The following CHODL variants were observed in gnomAD, a reference collection of about 807,000 sequenced individuals.
The protein encoded by CHODL is transmembrane protein MT75.
In CHODL, 29 loss-of-function variants were observed where a neutral mutation model predicts 34.5. The observed-to-expected ratio is 0.84, with a 90% CI of 0.63 to 1.15. The LOEUF is 1.15. Ranked by LOEUF, CHODL falls within the 50% of genes most tolerant of loss-of-function variation. The pLI, the probability that CHODL is intolerant of heterozygous loss-of-function variation, is 0.00. For synonymous variants in CHODL, 125 were observed against 116.1 expected (o/e 1.08, Z -0.49); for missense variants, 332 against 332.5 (o/e 1.00, Z 0.01).
At chr21:17,917,876 C>CGTGTGTGTGTGTGT (rs138828872) in intron 1 of CHODL, among the ~76,000 whole-genome samples, 1 of 150,706 alleles carries the variant, frequency 6.6e-6, no homozygotes, top group East Asian at 1.9e-4. Context: ...CTCTGATATG[C>CGTGTGTGTGTGTGT]GTGTGTGTGT....
At chr21:18,131,791 C>A (rs748890439) in intron 2 of CHODL, among the ~76,000 whole-genome samples, 25 of 152,140 alleles carry the variant, frequency 1.6e-4, no homozygotes, top group African/African-American at 6.0e-4. Context: ...TTATTACCAA[C>A]ACAACAGTTA....
At chr21:18,251,372 TA>T (rs1309901509) in intron 1 of CHODL, among the ~76,000 whole-genome samples, 1 of 105,508 alleles carries the variant, frequency 9.5e-6, no homozygotes, top group Non-Finnish European at 1.9e-5. Context: ...TTATATAAAA[TA>T]AATGTATTTT....
intron 2 of CHODL, among the ~76,000 whole-genome samples, chr21:18,149,459 CT>C (rs943017928): frequency 3.8e-4 from 58 of 152,110 alleles, no homozygotes; most frequent in African/African-American, 1.3e-3. Flanking sequence ...TGGGGGGGTT[CT>C]TTTTTAAAGG....
At chr21:18,197,483 G>A (rs1391038641) in intron 2 of CHODL, among the ~76,000 whole-genome samples, 4 of 152,104 alleles carry the variant, frequency 2.6e-5, no homozygotes, top group Non-Finnish European at 4.4e-5. Context: ...CGTGGTGGTG[G>A]TGCATGCCTG....
chr21:18,260,284 C>A lies in CHODL; in HGVS notation c.632C>A (p.Ala211Glu). The A allele has an allele frequency of 6.4e-7, 1 of 1,567,542 alleles. No individual in the cohort carries two copies. The highest frequency in any genetic ancestry group is 8.7e-7 in the Non-Finnish European group (1 of 1,152,468). ...CATCAGAATGTGGTTGTTACTGAAG[C>A]AGGTAATTACTTCATGTGTCTTTAA... ...DTHQNVVVTE[A>E]GIIPNLIYVV... The change falls in exon 4 of 6, where the codon GCA becomes GAA. Residue 211 changes from alanine (A) to glutamate (E), a missense_variant and splice_region_variant. Ala to Glu is a moderately radical substitution (Grantham distance 107, BLOSUM62 -1). Coordinates refer to ENST00000299295, the MANE Select transcript of CHODL (RefSeq NM_024944.3).
chr21:18,173,908 A>G (rs998648056), intron 2 of CHODL, among the ~76,000 whole-genome samples: 7 of 151,414 alleles, frequency 4.6e-5, no homozygotes, highest in Non-Finnish European at 8.9e-5. Flanking sequence ...TATAATGTAC[A>G]TGTTTGACCC....
At chr21:18,004,860 G>A (rs2063945517) in intron 1 of CHODL, among the ~76,000 whole-genome samples, 1 of 151,444 alleles carries the variant, frequency 6.6e-6, no homozygotes, top group Non-Finnish European at 1.5e-5. Flanking sequence ...AACAGTTAAA[G>A]GTCTTAAACA....
rs1049184597 is a variant in CHODL, at chr21:18,059,676, AGTT to A, written c.-45+31709_-45+31711del. 2.6e-5 allele frequency among the ~76,000 whole-genome samples: 4 copies of A among 152,130 alleles called. No homozygotes were observed. The South Asian group carries it at 6.2e-4, about 24-fold the overall frequency. Reference sequence around the variant, plus strand: ...AGCACCCCCAATAGGGCCCAGTGTGAGTTGTTCCCCCTGACGTGTCTGTGTATT... The same window carrying A: ...AGCACCCCCAATAGGGCCCAGTGTGAGTTCCCCCTGACGTGTCTGTGTATT... On this transcript the variant is annotated intron_variant, in intron 2 of 6. Coordinates refer to the CHODL transcript ENST00000400127.
intron 1 of CHODL, among the ~76,000 whole-genome samples, chr21:17,932,355 T>TCC (rs2063280822): frequency 6.6e-6 from 1 of 152,184 alleles, no homozygotes; most frequent in Non-Finnish European, 1.5e-5. Flanking sequence ...ACACTGTTTG[T>TCC]GGGAATGTAA....
chr21:18,093,740 C>G (rs1359885274), intron 2 of CHODL, among the ~76,000 whole-genome samples: 1 of 151,590 alleles, frequency 6.6e-6, no homozygotes, highest in East Asian at 1.9e-4. Flanking sequence ...AATGGATACA[C>G]AAAAAATAAA....
At position 17,972,888 on chromosome 21, in the gene CHODL, A is replaced by G. The variant is rs545930378; in HGVS notation, c.-144-54984A>G. ...GGAGCCATCATACTACGTGACTTCA[A>G]CTATACTACAATGTGACAGTAACCA... On this transcript the variant is annotated intron_variant, in intron 1 of 6. Coordinates refer to the CHODL transcript ENST00000400127. Among the ~76,000 whole-genome samples the G allele has an allele frequency of 3.2e-4, 48 of 152,344 alleles. 3 individuals carry two copies. In the South Asian group the frequency reaches 9.1e-3, roughly 29 times the overall value.
intron 1 of CHODL, among the ~76,000 whole-genome samples, chr21:17,994,287 G>A (rs1181470336): frequency 6.6e-6 from 1 of 152,202 alleles, no homozygotes; most frequent in Non-Finnish European, 1.5e-5. Flanking sequence ...TACAGGTGGT[G>A]ACAGCGATGG....
chr21:18,218,798 T>C (rs890486726), intron 2 of CHODL, among the ~76,000 whole-genome samples: 1 of 152,192 alleles, frequency 6.6e-6, no homozygotes, highest in African/African-American at 2.4e-5. Context: ...CCAGTCTCTT[T>C]GCATAGCAAG....
At chr21:17,961,238 A>G (rs868097889) in intron 1 of CHODL, among the ~76,000 whole-genome samples, 2 of 152,164 alleles carry the variant, frequency 1.3e-5, no homozygotes, top group African/African-American at 4.8e-5. Flanking sequence ...CCTCTTCTTT[A>G]TGCCTGAGAA....
intron 1 of CHODL, among the ~76,000 whole-genome samples, chr21:18,015,922 T>C (rs779106558): frequency 1.2e-4 from 19 of 152,308 alleles, no homozygotes; most frequent in Admixed American, 7.2e-4. Flanking sequence ...TTCTAAAACA[T>C]ATGCTCGTTT....
chr21:17,974,315 C>T (rs113093872), intron 1 of CHODL, among the ~76,000 whole-genome samples: 3,839 of 152,138 alleles, frequency 0.025, 106 homozygotes, highest in Middle Eastern at 0.058. Flanking sequence ...CTCTGTTGCC[C>T]GGGCTGGAGT....
chr21:17,947,252 TAAC>T (rs941762015), intron 1 of CHODL, among the ~76,000 whole-genome samples: 3 of 152,058 alleles, frequency 2.0e-5, no homozygotes, highest in Non-Finnish European at 4.4e-5. Context: ...ACATGCTCCT[TAAC>T]AACCAACAGG....
intron 4 of CHODL, 34 bp from the exon 5 acceptor site, chr21:18,262,757 T>C: frequency 8.2e-7 from 1 of 1,214,706 alleles, no homozygotes; most frequent in Non-Finnish European, 1.2e-6. Flanking sequence ...CTTCCTCAAC[T>C]ATCTTTTCAC....
intron 2 of CHODL, among the ~76,000 whole-genome samples, chr21:18,220,538 A>T (rs2073872439): frequency 6.6e-6 from 1 of 152,138 alleles, no homozygotes. Flanking sequence ...AATGGTAGAT[A>T]TTGTTCTTTC....
Sources: gnomAD v4.1 joint callset for allele counts (sites outside exome capture counted in the v4.1 genomes callset) on GRCh38, gnomAD v4.1.1 for gene constraint, MANE v1.5 for transcripts, NCBI Gene and HGNC (gene_info 2026-07-23, HGNC 2026-07-21) for gene names.